Variants in DOCK1 observed in about 807,000 individuals in gnomAD.
The protein encoded by DOCK1 is dedicator of cytokinesis protein 1.
Under a neutral mutation model 262.7 loss-of-function variants are expected in DOCK1, and 138 were observed. The observed-to-expected ratio is 0.53, with a 90% CI of 0.46 to 0.61. DOCK1 has a LOEUF of 0.61. Among genes scored for constraint, DOCK1 ranks in the 20% least tolerant of loss-of-function variants. DOCK1 has a pLI of 0.00. For synonymous variants in DOCK1, 866 were observed against 867.4 expected (o/e 1.00, Z 0.03); for missense variants, 1,908 against 2,370.7 (o/e 0.80, Z 4.05).
chr10:127,433,447 AG>A lies in DOCK1; in HGVS notation c.5060+22del. The stretch of plus-strand genomic sequence containing the variant: ...CCGACGGGTGAGTCAAGCTCACAGC[AG>A]GGCTGAGCTGAGCAGTGAGGGCTTG... On this transcript the variant is annotated intron_variant, in intron 48 of 51. Transcript: ENST00000623213. The A allele has an allele frequency of 1.9e-6, 3 of 1,613,430 alleles. No homozygotes were observed. The highest frequency in any genetic ancestry group is 2.5e-6 in the Non-Finnish European group (3 of 1,179,566).
intron 1 of DOCK1, among the ~76,000 whole-genome samples, chr10:126,907,394 TAGTGGGGGCCATCGGGGTGC>T (rs1293668274): frequency 6.6e-6 from 1 of 151,902 alleles, no homozygotes; most frequent in Non-Finnish European, 1.5e-5. Flanking sequence ...ATTGGGGGTG[TAGTGGGGGCCATCGGGGTGC>T]AGTGGGGGCC....
chr10:127,447,906 CT>C (rs1453370239), intron 51 of DOCK1, among the ~76,000 whole-genome samples: 1 of 152,198 alleles, frequency 6.6e-6, no homozygotes, highest in Non-Finnish European at 1.5e-5. Context: ...AGTAGCTTTT[CT>C]ATCAAGAGGT....
Position 127,018,842 on chromosome 10 carries a change from A to G in DOCK1, c.1327+7A>G. The G allele has an allele frequency of 6.2e-7, 1 of 1,613,778 alleles. No individual in the cohort carries two copies. Among genetic ancestry groups the G allele is most frequent in the Non-Finnish European group, 8.5e-7 (1 of 1,179,768 alleles). On this transcript the variant is annotated splice_region_variant and intron_variant, in intron 13 of 51. Transcript: ENST00000623213. Reference sequence around the variant, plus strand: ...CCGGAGATAATCATGCCTGGTAAGAACTGGCTTGTTCAGGGCTTCTCAGCA... The same window carrying G: ...CCGGAGATAATCATGCCTGGTAAGAGCTGGCTTGTTCAGGGCTTCTCAGCA...
At chr10:127,433,144 C>A in intron 47 of DOCK1, 139 bp from the exon 48 acceptor site, 1 of 1,223,084 alleles carries the variant, frequency 8.2e-7, no homozygotes, top group Non-Finnish European at 1.1e-6. Flanking sequence ...CCACTCAGAA[C>A]AAGAACATGT....
intron 27 of DOCK1, among the ~76,000 whole-genome samples, chr10:127,227,383 C>T (rs149896218): frequency 2.4e-4 from 37 of 152,300 alleles, no homozygotes; most frequent in African/African-American, 7.5e-4. Context: ...TGCCTTGGAA[C>T]GAGGTATTCC....
intron 1 of DOCK1, among the ~76,000 whole-genome samples, chr10:126,938,768 G>C (rs1006907223): frequency 4.3e-5 from 6 of 140,678 alleles, no homozygotes; most frequent in African/African-American, 5.4e-5. Flanking sequence ...AGGGGATGAA[G>C]ACAGGAGGGG....
intron 27 of DOCK1, among the ~76,000 whole-genome samples, chr10:127,199,940 CAGG>C (rs1015653495): frequency 3.0e-4 from 46 of 152,146 alleles, no homozygotes; most frequent in African/African-American, 1.1e-3. Flanking sequence ...GTGTGCAAGG[CAGG>C]AGAAGAGAAA....
Position 127,362,837 on chromosome 10 carries a change from A to ACACATGCACGTCCC in DOCK1, c.3432+629_3432+630insTGCACGTCCCCACA. On this transcript the variant is annotated intron_variant, in intron 33 of 51. Coordinates refer to ENST00000623213, the MANE Select transcript of DOCK1 (RefSeq NM_001290223.2). ...TGGGTTGGCACCCACACCCACACAT[A>ACACATGCACGTCCC]CACACACACACACACATGTACATCC... Among the ~76,000 whole-genome samples the ACACATGCACGTCCC allele has an allele frequency of 4.8e-3, 41 of 8,558 alleles. 17 individuals carry two copies. Among genetic ancestry groups the ACACATGCACGTCCC allele is most frequent in the Admixed American group, 8.2e-3 (7 of 854 alleles). 5.6% of individuals were successfully genotyped at this position (8,558 alleles called of 152,430 possible).
chr10:126,915,138 C>T (rs2032311952), intron 1 of DOCK1, among the ~76,000 whole-genome samples: 1 of 152,058 alleles, frequency 6.6e-6, no homozygotes, highest in South Asian at 2.1e-4. Context: ...TCCACGTGTT[C>T]CTATTGATGC....
intron 10 of DOCK1, 49 bp from the exon 11 acceptor site, chr10:127,008,683 G>C: frequency 6.9e-7 from 1 of 1,459,410 alleles, no homozygotes; most frequent in Non-Finnish European, 9.4e-7. Context: ...TGTGTTCTGT[G>C]ATTATAGCAT....
intron 29 of DOCK1, among the ~76,000 whole-genome samples, chr10:127,304,931 G>A (rs2061819142): frequency 6.6e-6 from 1 of 152,102 alleles, no homozygotes; most frequent in African/African-American, 2.4e-5. Context: ...GTGTACCTTA[G>A]GCTTTTTTTG....
intron 32 of DOCK1, among the ~76,000 whole-genome samples, chr10:127,359,845 T>C (rs960813811): frequency 1.3e-5 from 2 of 151,444 alleles, no homozygotes; most frequent in African/African-American, 4.9e-5. Context: ...CAAAGAAAAC[T>C]AAAGAATTTG....
intron 10 of DOCK1, 56 bp from the exon 11 acceptor site, chr10:127,008,676 G>A: frequency 7.1e-7 from 1 of 1,409,746 alleles, no homozygotes; most frequent in Non-Finnish European, 9.8e-7. Flanking sequence ...GTTTGTTTGT[G>A]TTCTGTGATT....
intron 18 of DOCK1, 94 bp from the exon 19 acceptor site, chr10:127,037,625 A>G (rs2043727059): frequency 7.0e-6 from 8 of 1,137,510 alleles, no homozygotes; most frequent in Admixed American, 3.0e-5. Context: ...TCTGTTCACA[A>G]AATTTTATAG....
chr10:126,923,057 C>T (rs986275302), intron 1 of DOCK1, among the ~76,000 whole-genome samples: 7 of 151,876 alleles, frequency 4.6e-5, no homozygotes, highest in African/African-American at 7.3e-5. Flanking sequence ...TGCGTTGAGC[C>T]GAGATTGTGC....
chr10:127,172,679 A>C (rs2054688649), intron 27 of DOCK1, among the ~76,000 whole-genome samples: 1 of 152,236 alleles, frequency 6.6e-6, no homozygotes, highest in Non-Finnish European at 1.5e-5. Flanking sequence ...GAATGTTCCC[A>C]GGAACACAAC....
intron 31 of DOCK1, among the ~76,000 whole-genome samples, chr10:127,351,947 A>G (rs948921468): frequency 6.6e-6 from 1 of 151,842 alleles, no homozygotes; most frequent in South Asian, 2.1e-4. Flanking sequence ...CTATTTGACA[A>G]TTAAAACCGC....
rs560137054 is a variant in DOCK1 at position 126,909,776 on chromosome 10, T to C, written c.46+4213T>C. ...AGAGAATTTAGCCCTGCGTTTAAGA[T>C]ATGCCAAGTACTCAACGAAGCGTTG... is the stretch of plus-strand genomic sequence containing the variant. On this transcript the variant is annotated intron_variant, in intron 1 of 51. Transcript: ENST00000623213. Among the ~76,000 whole-genome samples the C allele has an allele frequency of 9.2e-5, 14 of 152,336 alleles. No individual in the cohort carries two copies. In the South Asian group the frequency reaches 2.9e-3, roughly 32 times the overall value.
chr10:127,372,220 A>C (rs2065244276), intron 33 of DOCK1, among the ~76,000 whole-genome samples: 1 of 152,170 alleles, frequency 6.6e-6, no homozygotes, highest in South Asian at 2.1e-4. Flanking sequence ...GGCAGTGTGT[A>C]CTGATCGAGG....
Sources: allele counts gnomAD v4.1 joint callset (sites outside exome capture counted in the v4.1 genomes callset), GRCh38; gene constraint gnomAD v4.1.1; transcripts MANE v1.5; gene names NCBI Gene and HGNC (gene_info 2026-07-23, HGNC 2026-07-21).